HS3ST5: variants seen among roughly 807,000 people sequenced by gnomAD.
HS3ST5 encodes heparan sulfate-glucosamine 3-sulfotransferase 5, also known as heparan sulfate glucosamine 3-O-sulfotransferase 5.
In HS3ST5, 10 loss-of-function variants were observed where a neutral mutation model predicts 25.4. That is an observed-to-expected ratio of 0.39 (90% CI 0.24 to 0.67). HS3ST5 has a LOEUF of 0.67. Among genes scored for constraint, HS3ST5 ranks in the 30% least tolerant of loss-of-function variants. The pLI is 0.44. For missense variants in HS3ST5, 324 were observed against 420.7 expected (o/e 0.77, Z 2.01); for synonymous variants, 170 against 162.4 (o/e 1.05, Z -0.36).
chr6:114,278,698 G>C (rs1408970224), intron 1 of HS3ST5, among the ~76,000 whole-genome samples: 1 of 151,988 alleles, frequency 6.6e-6, no homozygotes, highest in Non-Finnish European at 1.5e-5. Context: ...TGCTGAAGTA[G>C]AAATTAAACA....
intron 1 of HS3ST5, among the ~76,000 whole-genome samples, chr6:114,319,906 G>A (rs941696245): frequency 1.3e-5 from 2 of 151,990 alleles, no homozygotes; most frequent in South Asian, 2.1e-4. Flanking sequence ...ATTGGGCGTA[G>A]AGCCTCATTG....
At chr6:114,104,871 A>G (rs1282260040) in intron 3 of HS3ST5, among the ~76,000 whole-genome samples, 2 of 152,136 alleles carry the variant, frequency 1.3e-5, no homozygotes, top group Admixed American at 6.5e-5. Flanking sequence ...ACCTTTGTCC[A>G]TCCACTTAAA....
chr6:114,185,744 T>TC (rs1274871818), intron 2 of HS3ST5, among the ~76,000 whole-genome samples: 1 of 149,938 alleles, frequency 6.7e-6, no homozygotes, highest in African/African-American at 2.4e-5. Context: ...TTTCTTTCTT[T>TC]TTTTTTTTTT....
intron 2 of HS3ST5, among the ~76,000 whole-genome samples, chr6:114,198,211 C>CA (rs1420278523): frequency 6.6e-6 from 1 of 151,884 alleles, no homozygotes; most frequent in Non-Finnish European, 1.5e-5. Flanking sequence ...ACTGATCCTT[C>CA]AAATCAACCC....
At chr6:114,135,343 TG>T (rs1473657053) in intron 3 of HS3ST5, among the ~76,000 whole-genome samples, 5 of 152,170 alleles carry the variant, frequency 3.3e-5, no homozygotes, top group African/African-American at 1.2e-4. Flanking sequence ...CAGGGTTTTC[TG>T]GGGGCAGGGA....
intron 4 of HS3ST5, among the ~76,000 whole-genome samples, chr6:114,058,473 C>T (rs1308807180): frequency 6.6e-6 from 1 of 152,118 alleles, no homozygotes; most frequent in Non-Finnish European, 1.5e-5. Context: ...ACAGGATAGA[C>T]AAGTGGCACC....
chr6:114,197,494 A>G (rs1035676535), intron 2 of HS3ST5, among the ~76,000 whole-genome samples: 2 of 152,026 alleles, frequency 1.3e-5, no homozygotes, highest in African/African-American at 4.8e-5. Context: ...TTCCATTTTT[A>G]TTTAGATTCT....
rs147658258 is a variant in HS3ST5, at chr6:114,110,856, A to G, written c.-32-47979T>C. On this transcript the variant is annotated intron_variant, in intron 3 of 4. Transcript: ENST00000312719. ...GTTTGACAAAATATTTAAAATATGT[A>G]TAGTGTACTATTTTCTAACAATTAA... Among the ~76,000 whole-genome samples the G allele has an allele frequency of 6.8e-4, 103 of 152,356 alleles. 1 individual carries two copies. In the East Asian group the frequency reaches 0.019, roughly 28 times the overall value.
chr6:114,315,182 T>C (rs932184917), intron 1 of HS3ST5, among the ~76,000 whole-genome samples: 2 of 152,144 alleles, frequency 1.3e-5, no homozygotes, highest in Non-Finnish European at 2.9e-5. Flanking sequence ...AATTTTCATG[T>C]GTGGAATATG....
intron 3 of HS3ST5, among the ~76,000 whole-genome samples, chr6:114,142,276 G>A (rs992492208): frequency 6.6e-6 from 1 of 152,168 alleles, no homozygotes; most frequent in Non-Finnish European, 1.5e-5. Flanking sequence ...TGTAATGAAC[G>A]TTTAAAACAT....
chr6:114,331,034 G>A (rs951345518), intron 1 of HS3ST5, among the ~76,000 whole-genome samples: 1 of 152,108 alleles, frequency 6.6e-6, no homozygotes, highest in African/African-American at 2.4e-5. Flanking sequence ...CTTATAACAC[G>A]TGTAAGACTT....
chr6:114,205,183 C>T (rs2114395660), intron 2 of HS3ST5, among the ~76,000 whole-genome samples: 1 of 152,176 alleles, frequency 6.6e-6, no homozygotes, highest in Admixed American at 6.5e-5. Flanking sequence ...CAAGGATGTC[C>T]CACTTCAGAT....
chr6:114,061,490 T>C (rs1773111143), intron 4 of HS3ST5, among the ~76,000 whole-genome samples: 1 of 152,222 alleles, frequency 6.6e-6, no homozygotes, highest in Admixed American at 6.5e-5. Context: ...TGCTATGTTA[T>C]TTCTAAATAA....
At chr6:114,115,828 T>C (rs1415924139) in intron 3 of HS3ST5, among the ~76,000 whole-genome samples, 45 of 152,250 alleles carry the variant, frequency 3.0e-4, no homozygotes, top group Non-Finnish European at 8.8e-5. Flanking sequence ...AGTATTTTAG[T>C]GTCTCTGTGG....
chr6:114,176,409 G>A lies in HS3ST5; in HGVS notation c.-144-7947C>T, dbSNP rs575489868. ...AAGGACTTTCTCAAGAAAGACAAAT[G>A]CTGTCGAAAATAAAAATGGGTACCT... On this transcript the variant is annotated intron_variant, in intron 2 of 4. Coordinates refer to ENST00000312719, the MANE Select transcript of HS3ST5 (RefSeq NM_153612.4). Among the ~76,000 whole-genome samples the A allele has an allele frequency of 9.2e-5, 14 of 152,276 alleles. No individual in the cohort carries two copies. In the South Asian group the frequency reaches 2.9e-3, roughly 32 times the overall value.
chr6:114,206,500 T>C (rs1486461550), intron 2 of HS3ST5, among the ~76,000 whole-genome samples: 10 of 152,262 alleles, frequency 6.6e-5, no homozygotes, highest in Admixed American at 4.6e-4. Context: ...TTAACTCAGT[T>C]TTGGGATGCA....
chr6:114,083,454 C>T (rs951721513), intron 3 of HS3ST5, among the ~76,000 whole-genome samples: 2 of 151,724 alleles, frequency 1.3e-5, no homozygotes, highest in African/African-American at 4.8e-5. Flanking sequence ...GGTTGGGGAT[C>T]GGTGGAACTC....
At chr6:114,277,352 A>G (rs2114724359) in intron 1 of HS3ST5, among the ~76,000 whole-genome samples, 1 of 151,298 alleles carries the variant, frequency 6.6e-6, no homozygotes, top group South Asian at 2.1e-4. Context: ...AGGAAAAAAT[A>G]AATTATATTT....
intron 1 of HS3ST5, chr6:114,340,375 AG>A (rs1406092507): frequency 6.6e-6 from 1 of 152,252 alleles, no homozygotes. Context: ...AATTGAAAAA[AG>A]AGTGTTTCTA....
Sources: gnomAD v4.1 joint callset for allele counts (sites outside exome capture counted in the v4.1 genomes callset) on GRCh38, gnomAD v4.1.1 for gene constraint, MANE v1.5 for transcripts, NCBI Gene and HGNC (gene_info 2026-07-23, HGNC 2026-07-21) for gene names.